TTLL1: variants seen among roughly 807,000 people sequenced by gnomAD.
TTLL1 encodes polyglutamylase complex subunit TTLL1.
TTLL1 carries 33 observed loss-of-function variants against 47.8 expected under a neutral mutation model. The ratio of observed to expected loss-of-function variants is 0.69; its 90% CI spans 0.52 to 0.92. The LOEUF (loss-of-function observed/expected upper bound fraction) is 0.92, where lower values mean the gene tolerates loss of function less well. Ranked by LOEUF, TTLL1 falls within the 40% of genes least tolerant of loss-of-function variation. TTLL1 has a pLI of 0.00. For synonymous variants in TTLL1, 225 were observed against 214.1 expected (o/e 1.05, Z -0.45); for missense variants, 488 against 547.5 (o/e 0.89, Z 1.08).
At chr22:43,068,281 T>C (rs956732227) in intron 5 of TTLL1, 129 bp downstream of exon 5, 25 of 763,480 alleles carry the variant, frequency 3.3e-5, no homozygotes, top group Middle Eastern at 3.6e-4. Flanking sequence ...TGTGCCACTG[T>C]AATCCTGCCT....
At chr22:43,045,377 G>A (rs1251416012) in intron 10 of TTLL1, among the ~76,000 whole-genome samples, 2 of 151,770 alleles carry the variant, frequency 1.3e-5, no homozygotes, top group Non-Finnish European at 2.9e-5. Flanking sequence ...TTGATACTGT[G>A]TGTAAAGCAC....
Position 43,080,852 on chromosome 22 carries a change from T to C in TTLL1, c.-89-866A>G, listed in dbSNP as rs147657650. Among the ~76,000 whole-genome samples the C allele has an allele frequency of 1.6e-3, 226 of 143,512 alleles. 2 individuals carry two copies. Among genetic ancestry groups the C allele is most frequent in the African/African-American group, 5.3e-3 (210 of 39,666 alleles). 94.1% of individuals were successfully genotyped at this position (143,512 alleles called of 152,430 possible). A position where few individuals can be genotyped will look rare whatever the true frequency, so the allele number is the denominator to read the frequency against. On this transcript the variant is annotated intron_variant, in intron 1 of 10. Transcript: ENST00000266254. Reference sequence around the variant, plus strand: ...CAGCCCTTTAAGTACATTCCTTCTATAAACACAGGAGGGTGGGACTCTGAG... The same window carrying C: ...CAGCCCTTTAAGTACATTCCTTCTACAAACACAGGAGGGTGGGACTCTGAG...
intron 10 of TTLL1, among the ~76,000 whole-genome samples, chr22:43,045,790 C>T (rs994739239): frequency 1.3e-5 from 2 of 151,924 alleles, no homozygotes; most frequent in African/African-American, 4.8e-5. Context: ...CAGCCTACTC[C>T]AGCTATCCCA....
intron 1 of TTLL1, among the ~76,000 whole-genome samples, chr22:43,085,314 T>C (rs138750063): frequency 2.0e-5 from 3 of 152,320 alleles, no homozygotes; most frequent in Non-Finnish European, 4.4e-5. Context: ...TGTCAGGTAC[T>C]GGGTGGGGTA....
intron 9 of TTLL1, among the ~76,000 whole-genome samples, chr22:43,048,764 C>T (rs1187264059): frequency 6.6e-6 from 1 of 151,764 alleles, no homozygotes; most frequent in African/African-American, 2.4e-5. Context: ...TGGTAAAACC[C>T]CATCTCTACT....
In TTLL1 at chr22:43,084,563, G is replaced by A. The variant is rs183423709; in HGVS notation, c.-89-4577C>T. Among the ~76,000 whole-genome samples the A allele has an allele frequency of 1.2e-3, 179 of 151,958 alleles. 3 individuals carry two copies. In the East Asian group the frequency reaches 0.013, roughly 11 times the overall value. ...ATCGCCCAGGCTGGAGTGCAGTGGC[G>A]CGATCTTGGCTCACTGCAAGCTCTG... On this transcript the variant is annotated intron_variant, in intron 1 of 10. Coordinates refer to ENST00000266254, the MANE Select transcript of TTLL1 (RefSeq NM_012263.5).
At chr22:43,073,812 TTTTTA>T (rs1200281346) in intron 3 of TTLL1, among the ~76,000 whole-genome samples, 1 of 151,542 alleles carries the variant, frequency 6.6e-6, no homozygotes, top group Non-Finnish European at 1.5e-5. Context: ...AAGCTCTTCT[TTTTTA>T]TTTATTTATT....
At chr22:43,042,347 T>A (rs1319438367) in intron 10 of TTLL1, among the ~76,000 whole-genome samples, 1 of 152,182 alleles carries the variant, frequency 6.6e-6, no homozygotes, top group Non-Finnish European at 1.5e-5. Flanking sequence ...CCAGGGGTGG[T>A]CTGGCCACCT....
chr22:43,089,126 G>A (rs1167365765), intron 1 of TTLL1, among the ~76,000 whole-genome samples, 151 bp downstream of exon 1: 1 of 152,202 alleles, frequency 6.6e-6, no homozygotes, highest in Non-Finnish European at 1.5e-5. Context: ...CTTCCTGGAG[G>A]ACGCGGATCC....
intron 1 of TTLL1, among the ~76,000 whole-genome samples, chr22:43,084,177 G>A (rs1929076215): frequency 6.6e-6 from 1 of 152,082 alleles, no homozygotes; most frequent in Non-Finnish European, 1.5e-5. Flanking sequence ...TTGAGATGGA[G>A]TCTAGCTCTA....
Position 43,072,772 on chromosome 22 carries a change from AC to A in TTLL1, c.113+2701del, listed in dbSNP as rs1188875876. Among the ~76,000 whole-genome samples, 4 of 151,812 alleles carry A rather than the reference AC, an allele frequency of 2.6e-5. No individual in the cohort carries two copies. In the East Asian group the frequency reaches 7.8e-4, roughly 30 times the overall value. On this transcript the variant is annotated intron_variant, in intron 3 of 10. Transcript: ENST00000266254. ...CAGGCATGAGTCACTGCACCCAGGC[AC>A]CCCACCACCCAGCTAATTTTTTTGA...
intron 9 of TTLL1, among the ~76,000 whole-genome samples, chr22:43,049,239 G>C (rs2146962970): frequency 6.6e-6 from 1 of 151,902 alleles, no homozygotes; most frequent in Middle Eastern, 3.4e-3. Context: ...AACCAGCTTG[G>C]GATGCTGGGC....
In TTLL1 at chr22:43,063,931, A is replaced by T; in HGVS notation, c.639-10T>A. 1.2e-6 allele frequency: 2 copies of T among 1,611,238 alleles called. No individual in the cohort carries two copies. Among genetic ancestry groups the T allele is most frequent in the Non-Finnish European group, 1.7e-6 (2 of 1,178,090 alleles). ...AAACCCAAGCTTGTACCTAGGAGGG[A>T]ATGTAGATTAATTCAAACTCTGAGG... On this transcript the variant is annotated splice_polypyrimidine_tract_variant and intron_variant, in intron 6 of 10. Transcript: ENST00000266254.
At chr22:43,063,462 CTTTT>C (rs34847416) in intron 7 of TTLL1, among the ~76,000 whole-genome samples, 2 of 139,716 alleles carry the variant, frequency 1.4e-5, no homozygotes, top group East Asian at 2.1e-4. Context: ...AAAGTCGGTC[CTTTT>C]TTTTTTTTTT....
chr22:43,070,284 T>G (rs1246815814), intron 3 of TTLL1: 1 of 1,082,666 alleles, frequency 9.2e-7, no homozygotes, highest in Non-Finnish European at 1.3e-6. Context: ...GGGCCCTGAG[T>G]CAGTATTTGA....
chr22:43,043,685 C>T (rs557560671), intron 10 of TTLL1, among the ~76,000 whole-genome samples: 12 of 152,238 alleles, frequency 7.9e-5, no homozygotes, highest in African/African-American at 2.4e-4. Context: ...TCCTGCGAGA[C>T]GCTGCTTCCC....
At chr22:43,065,344 C>T (rs1927660146) in intron 5 of TTLL1, among the ~76,000 whole-genome samples, 1 of 151,930 alleles carries the variant, frequency 6.6e-6, no homozygotes, top group African/African-American at 2.4e-5. Context: ...GGCTGGAGTG[C>T]ACTGGCGTGA....
intron 10 of TTLL1, among the ~76,000 whole-genome samples, chr22:43,044,064 A>C (rs573153505): frequency 6.6e-6 from 1 of 150,848 alleles, no homozygotes; most frequent in East Asian, 2.0e-4. Flanking sequence ...CTCCCAGCCC[A>C]CTTCCCTAGT....
In TTLL1 at chr22:43,063,856, T is replaced by C. The variant is rs879242196; in HGVS notation, c.704A>G (p.Asn235Ser). Reference sequence around the variant, plus strand: ...GACGTTGGTGAGATGAACGAACATGTTGTCCAGCTCACTGGTACTCGGGGT... The same window carrying C: ...GACGTTGGTGAGATGAACGAACATGCTGTCCAGCTCACTGGTACTCGGGGT... ...KYTPSTSELD[N>S]MFVHLTNVAI... Residue 235 changes from asparagine to serine, a missense_variant, in exon 7 of 11, where the codon AAC (asparagine) becomes AGC (serine). Coordinates refer to ENST00000266254, the MANE Select transcript of TTLL1 (RefSeq NM_012263.5). 6.2e-7 allele frequency: 1 copy of C among 1,614,096 alleles called. No homozygotes were observed. Among genetic ancestry groups the C allele is most frequent in the Non-Finnish European group, 8.5e-7 (1 of 1,179,968 alleles).
Sources: gnomAD v4.1 joint callset for allele counts (sites outside exome capture counted in the v4.1 genomes callset) on GRCh38, gnomAD v4.1.1 for gene constraint, MANE v1.5 for transcripts, NCBI Gene and HGNC (gene_info 2026-07-23, HGNC 2026-07-21) for gene names.